The following CDH18 variants were observed in gnomAD, a reference collection of about 807,000 sequenced individuals.
The protein encoded by CDH18 is cadherin 18.
Under a neutral mutation model 67.9 loss-of-function variants are expected in CDH18, and 31 were observed. The observed-to-expected ratio is 0.46, with a 90% CI of 0.34 to 0.62. The LOEUF is 0.62. Ranked by LOEUF, CDH18 falls within the 20% of genes least tolerant of loss-of-function variation. The pLI is 0.01. For synonymous variants in CDH18, 362 were observed against 347.2 expected (o/e 1.04, Z -0.48); for missense variants, 890 against 975.5 (o/e 0.91, Z 1.17).
intron 12 of CDH18, among the ~76,000 whole-genome samples, chr5:19,481,440 T>C (rs1189856969): frequency 6.6e-6 from 1 of 152,224 alleles, no homozygotes; most frequent in Non-Finnish European, 1.5e-5. Flanking sequence ...AGTATGCTAC[T>C]CTAACACGTA....
At chr5:20,391,794 T>A (rs1323559453) in intron 1 of CDH18, among the ~76,000 whole-genome samples, 1 of 152,056 alleles carries the variant, frequency 6.6e-6, no homozygotes, top group Non-Finnish European at 1.5e-5. Context: ...AACTTGAATT[T>A]ATAAATTTTC....
At chr5:20,436,185 C>A (rs373335065) in intron 1 of CDH18, among the ~76,000 whole-genome samples, 1 of 152,014 alleles carries the variant, frequency 6.6e-6, no homozygotes, top group East Asian at 1.9e-4. Flanking sequence ...TTAGGAAGAT[C>A]CATTTCACCC....
chr5:20,103,318 T>G (rs577676125), intron 2 of CDH18, among the ~76,000 whole-genome samples: 227 of 151,854 alleles, frequency 1.5e-3, no homozygotes, highest in African/African-American at 5.1e-3. Flanking sequence ...TAAATCAGAC[T>G]TTTTTTGTCA....
chr5:19,686,927 A>G (rs1761175395), intron 5 of CDH18, among the ~76,000 whole-genome samples: 1 of 152,198 alleles, frequency 6.6e-6, no homozygotes, highest in South Asian at 2.1e-4. Flanking sequence ...AAAATGGCTG[A>G]CTAAGACATC....
intron 2 of CDH18, among the ~76,000 whole-genome samples, chr5:20,240,909 T>A (rs1742845029): frequency 6.6e-6 from 1 of 152,168 alleles, no homozygotes; most frequent in Admixed American, 6.5e-5. Context: ...AGTTTGATGA[T>A]ATAGAAAAAA....
chr5:20,048,986 T>C (rs947892533), intron 2 of CDH18, among the ~76,000 whole-genome samples: 12 of 151,702 alleles, frequency 7.9e-5, no homozygotes, highest in Non-Finnish European at 1.5e-4. Flanking sequence ...TTAAATAAAA[T>C]AGAATTCAAA....
At chr5:19,626,192 TAAC>T (rs1380927644) in intron 5 of CDH18, among the ~76,000 whole-genome samples, 17 of 151,952 alleles carry the variant, frequency 1.1e-4, no homozygotes, top group Non-Finnish European at 5.9e-5. Context: ...TAAAGCAAAA[TAAC>T]AAATAGCACC....
chr5:19,685,864 A>C (rs1561043525), intron 5 of CDH18, among the ~76,000 whole-genome samples: 1 of 152,164 alleles, frequency 6.6e-6, no homozygotes, highest in Non-Finnish European at 1.5e-5. Context: ...GGAGGATCAC[A>C]CAGGATATTT....
chr5:19,541,685 C>A (rs753146052), intron 9 of CDH18, among the ~76,000 whole-genome samples: 6 of 152,124 alleles, frequency 3.9e-5, no homozygotes, highest in Non-Finnish European at 8.8e-5. Context: ...ACCATCAGAT[C>A]TCCTGAGACT....
At chr5:19,509,294 G>A (rs183135856) in intron 10 of CDH18, among the ~76,000 whole-genome samples, 1 of 152,064 alleles carries the variant, frequency 6.6e-6, no homozygotes, top group Non-Finnish European at 1.5e-5. Context: ...CTCCAAAAGG[G>A]CAGAGAGTGG....
intron 1 of CDH18, among the ~76,000 whole-genome samples, chr5:20,520,145 C>CT (rs978963369): frequency 5.9e-5 from 9 of 151,414 alleles, no homozygotes; most frequent in African/African-American, 2.2e-4. Context: ...ATTAGGGTGT[C>CT]TAAGAGCTCC....
chr5:20,488,700 T>C (rs2388421), intron 1 of CDH18, among the ~76,000 whole-genome samples: 8,366 of 137,162 alleles, frequency 0.061, 274 homozygotes, highest in African/African-American at 0.076. Flanking sequence ...TATATATATA[T>C]ACACACACAT....
intron 3 of CDH18, among the ~76,000 whole-genome samples, chr5:19,834,565 G>T (rs1410707629): frequency 6.6e-6 from 1 of 151,868 alleles, no homozygotes; most frequent in African/African-American, 2.4e-5. Flanking sequence ...TCTTCTGCTA[G>T]CTTCTGGATT....
intron 2 of CDH18, among the ~76,000 whole-genome samples, chr5:19,997,259 A>G (rs900774939): frequency 2.0e-5 from 3 of 152,142 alleles, no homozygotes; most frequent in Non-Finnish European, 4.4e-5. Flanking sequence ...TCTCCAAAGA[A>G]TGTGGCCCTA....
At chr5:19,965,563 T>C (rs1243571779) in intron 2 of CDH18, among the ~76,000 whole-genome samples, 1 of 152,200 alleles carries the variant, frequency 6.6e-6, no homozygotes, top group Non-Finnish European at 1.5e-5. Flanking sequence ...GTTAGCAAAA[T>C]ATCTATTAAA....
At chr5:19,645,273 A>T (rs1754577083) in intron 5 of CDH18, among the ~76,000 whole-genome samples, 1 of 152,212 alleles carries the variant, frequency 6.6e-6, no homozygotes, top group South Asian at 2.1e-4. Context: ...GGTAGTATTT[A>T]TCAGAGAATG....
intron 3 of CDH18, among the ~76,000 whole-genome samples, chr5:19,748,959 T>G (rs1262488793): frequency 6.6e-6 from 1 of 152,086 alleles, no homozygotes; most frequent in Non-Finnish European, 1.5e-5. Context: ...TTTATAAAAA[T>G]GAGCAAAAAT....
At chr5:19,790,822 A>C (rs1440816907) in intron 3 of CDH18, among the ~76,000 whole-genome samples, 1 of 152,088 alleles carries the variant, frequency 6.6e-6, no homozygotes, top group Admixed American at 6.6e-5. Context: ...ATGGCAAATA[A>C]ATTAGAGTGG....
intron 2 of CDH18, among the ~76,000 whole-genome samples, chr5:19,855,735 T>A (rs1784215698): frequency 6.6e-6 from 1 of 152,142 alleles, no homozygotes; most frequent in Non-Finnish European, 1.5e-5. Flanking sequence ...TTACCCTTTT[T>A]AGCTACAACA....
Sources: allele counts gnomAD v4.1 joint callset (sites outside exome capture counted in the v4.1 genomes callset), GRCh38; gene constraint gnomAD v4.1.1; transcripts MANE v1.5; gene names NCBI Gene and HGNC (gene_info 2026-07-23, HGNC 2026-07-21).